The following MPHOSPH6 variants were observed in gnomAD, a reference collection of about 807,000 sequenced individuals.
MPHOSPH6 encodes the protein M-phase phosphoprotein 6.
In MPHOSPH6, 25 loss-of-function variants were observed where a neutral mutation model predicts 21.8. The observed-to-expected ratio is 1.15, with a 90% CI of 0.83 to 1.60. The LOEUF (loss-of-function observed/expected upper bound fraction) is 1.60. MPHOSPH6 is among the 40% of genes most tolerant of loss of function. The probability of loss-of-function intolerance (pLI) is 0.00; values close to 1 mark genes in which losing one functional copy is unlikely to be tolerated. For missense variants in MPHOSPH6, 269 were observed against 181.8 expected (o/e 1.48, Z -2.76); for synonymous variants, 84 against 56.5 (o/e 1.49, Z -2.18).
intron 2 of MPHOSPH6, among the ~76,000 whole-genome samples, chr16:82,158,157 A>T (rs1417197017): frequency 1.3e-5 from 2 of 152,084 alleles, no homozygotes; most frequent in Non-Finnish European, 2.9e-5. Context: ...CAATTACTTT[A>T]AAAAATATTC....
chr16:82,165,665 A>C (rs1412243312), intron 1 of MPHOSPH6, among the ~76,000 whole-genome samples: 1 of 152,234 alleles, frequency 6.6e-6, no homozygotes, highest in African/African-American at 2.4e-5. Context: ...GTTTAGATAC[A>C]CAGACACCAC....
In MPHOSPH6 at chr16:82,151,456, T is replaced by C. The variant is rs773140146; in HGVS notation, c.223A>G (p.Met75Val). The C allele has an allele frequency of 6.2e-7, 1 of 1,607,436 alleles. No individual in the cohort carries two copies. Among genetic ancestry groups the C allele is most frequent in the Non-Finnish European group, 8.5e-7 (1 of 1,177,398 alleles). The change falls in exon 3 of 5, where the codon ATG becomes GTG. Residue 75 changes from methionine to valine, a missense_variant. Physicochemically the swap from Met to Val is conservative, Grantham distance 21. Coordinates refer to ENST00000258169, the MANE Select transcript of MPHOSPH6 (RefSeq NM_005792.2). ...LLCEDLLYGR[M>V]SFRGFNPEVE... ...TCAGGATTAAATCCTCTGAATGACA[T>C]TCTTCCATAGAGAAGATCTTCACAT...
At chr16:82,155,296 C>T (rs968205814) in intron 2 of MPHOSPH6, among the ~76,000 whole-genome samples, 9 of 152,138 alleles carry the variant, frequency 5.9e-5, no homozygotes, top group East Asian at 3.8e-4. Context: ...CTACTCTTGT[C>T]GTTTCTATTC....
intron 1 of MPHOSPH6, among the ~76,000 whole-genome samples, chr16:82,164,499 G>C (rs1252246698): frequency 6.6e-6 from 1 of 152,236 alleles, no homozygotes; most frequent in African/African-American, 2.4e-5. Context: ...TTTGGCACCT[G>C]CTGATCTGGG....
chr16:82,157,133 G>C (rs1255751317), intron 2 of MPHOSPH6, among the ~76,000 whole-genome samples: 1 of 152,068 alleles, frequency 6.6e-6, no homozygotes, highest in Non-Finnish European at 1.5e-5. Flanking sequence ...TTAGTCATCA[G>C]GAAAATGCTA....
chr16:82,149,544 C>G (rs750014792), intron 3 of MPHOSPH6, 141 bp from the exon 4 acceptor site: 2 of 708,648 alleles, frequency 2.8e-6, no homozygotes, highest in Non-Finnish European at 2.5e-6. Flanking sequence ...CTCTGTAATA[C>G]TTGATACCAC....
At chr16:82,153,418 G>A (rs1906330669) in intron 2 of MPHOSPH6, among the ~76,000 whole-genome samples, 1 of 152,218 alleles carries the variant, frequency 6.6e-6, no homozygotes, top group Non-Finnish European at 1.5e-5. Context: ...TAGACCCCAT[G>A]AATGCGGAGC....
intron 1 of MPHOSPH6, among the ~76,000 whole-genome samples, chr16:82,166,629 C>T (rs1405563976): frequency 3.9e-5 from 6 of 151,974 alleles, no homozygotes; most frequent in Non-Finnish European, 7.3e-5. Flanking sequence ...GGCGGCACCC[C>T]TGGTACACAA....
At chr16:82,152,716 C>T (rs993205810) in intron 2 of MPHOSPH6, among the ~76,000 whole-genome samples, 2 of 152,160 alleles carry the variant, frequency 1.3e-5, no homozygotes, top group Admixed American at 6.5e-5. Context: ...AGGTTGCGTT[C>T]CCTGGACCAG....
chr16:82,163,191 A>C (rs933629042), intron 2 of MPHOSPH6, among the ~76,000 whole-genome samples: 1 of 152,208 alleles, frequency 6.6e-6, no homozygotes, highest in Non-Finnish European at 1.5e-5. Flanking sequence ...CAAAGCCCAA[A>C]CATCAGGTAC....
chr16:82,169,603 G>C (rs780139335), intron 1 of MPHOSPH6, among the ~76,000 whole-genome samples: 1 of 152,078 alleles, frequency 6.6e-6, no homozygotes, highest in Non-Finnish European at 1.5e-5. Context: ...TATACATCTT[G>C]TTGATTCTGT....
At chr16:82,150,732 G>A (rs149840401) in intron 3 of MPHOSPH6, among the ~76,000 whole-genome samples, 2 of 152,182 alleles carry the variant, frequency 1.3e-5, no homozygotes, top group African/African-American at 2.4e-5. Context: ...CCACCACAAA[G>A]AATTATCTGG....
In MPHOSPH6 at chr16:82,167,874, C is replaced by T. The variant is rs529448762; in HGVS notation, c.51+2251G>A. Among the ~76,000 whole-genome samples the T allele has an allele frequency of 2.0e-5, 3 of 152,302 alleles. No individual in the cohort carries two copies. The South Asian group carries it at 6.2e-4, about 32-fold the overall frequency. ...TACAGGTCATGGACTGGTGCTGGTC[C>T]ATGGCCTGGCGGTTGGGGACCCATG... On this transcript the variant is annotated intron_variant, in intron 1 of 4. Coordinates refer to ENST00000258169, the MANE Select transcript of MPHOSPH6 (RefSeq NM_005792.2).
rs553902586 is a variant in MPHOSPH6 at position 82,166,832 on chromosome 16, T to G, written c.52-2638A>C. 1.9e-4 allele frequency among the ~76,000 whole-genome samples: 29 copies of G among 152,290 alleles called. 1 individual carries two copies. The highest frequency in any genetic ancestry group is 3.4e-3 in the Middle Eastern group (1 of 294). On this transcript the variant is annotated intron_variant, in intron 1 of 4. Transcript: ENST00000258169. The stretch of plus-strand genomic sequence containing the variant: ...CCATTTAGTCATGTACCTATTCTTT[T>G]GGTATACAACAGCCATATACATATG...
chr16:82,157,810 A>G (rs751782871), intron 2 of MPHOSPH6, among the ~76,000 whole-genome samples: 11 of 152,200 alleles, frequency 7.2e-5, no homozygotes, highest in Non-Finnish European at 1.5e-4. Context: ...TGAAGTCCCC[A>G]TAAGTGGGGG....
Position 82,168,014 on chromosome 16 carries a change from T to C in MPHOSPH6, c.51+2111A>G, listed in dbSNP as rs556314717. Among the ~76,000 whole-genome samples, 18 of 152,294 alleles carry C rather than the reference T, an allele frequency of 1.2e-4. No individual in the cohort carries two copies. In the South Asian group the frequency reaches 3.7e-3, roughly 32 times the overall value. On this transcript the variant is annotated intron_variant, in intron 1 of 4. Coordinates refer to ENST00000258169, the MANE Select transcript of MPHOSPH6 (RefSeq NM_005792.2). Reference sequence around the variant, plus strand: ...TGTCTCCTGCTATCTTGCCAGTAAGTTTTTTCTTATCAATGACCAAAGCTG... The same window carrying C: ...TGTCTCCTGCTATCTTGCCAGTAAGCTTTTTCTTATCAATGACCAAAGCTG...
At chr16:82,168,111 A>C (rs1032974846) in intron 1 of MPHOSPH6, among the ~76,000 whole-genome samples, 1 of 135,190 alleles carries the variant, frequency 7.4e-6, no homozygotes, top group Non-Finnish European at 1.6e-5. Context: ...GAGTCTCCCC[A>C]TTTGGTGGGG....
At position 82,151,464 on chromosome 16, in the gene MPHOSPH6, T is replaced by A. The variant is rs550603908; in HGVS notation, c.215A>T (p.Tyr72Phe). ...QSFLLCEDLL[Y>F]GRMSFRGFNP... ...AAATCCTCTGAATGACATTCTTCCA[T>A]AGAGAAGATCTTCACATAGTAAGAA... The change falls in exon 3 of 5, where the codon TAT becomes TTT. Residue 72 changes from tyrosine to phenylalanine, a missense_variant. Coordinates refer to ENST00000258169, the MANE Select transcript of MPHOSPH6 (RefSeq NM_005792.2). The A allele has an allele frequency of 6.2e-7, 1 of 1,607,440 alleles. No homozygotes were observed. Among genetic ancestry groups the A allele is most frequent in the East Asian group, 2.2e-5 (1 of 44,728 alleles).
chr16:82,168,065 A>T (rs1207790514), intron 1 of MPHOSPH6, among the ~76,000 whole-genome samples: 2 of 152,200 alleles, frequency 1.3e-5, no homozygotes, highest in Non-Finnish European at 2.9e-5. Flanking sequence ...AATGTGGGTG[A>T]TCTTTTTCCT....
Sources: gnomAD v4.1 joint callset for allele counts (sites outside exome capture counted in the v4.1 genomes callset) on GRCh38, gnomAD v4.1.1 for gene constraint, MANE v1.5 for transcripts, NCBI Gene and HGNC (gene_info 2026-07-23, HGNC 2026-07-21) for gene names.